TAOK2: variants seen among roughly 807,000 people sequenced by gnomAD.
TAOK2 encodes the protein TAO kinase 2, also known as serine/threonine-protein kinase TAO2.
TAOK2 carries 42 observed loss-of-function variants against 122.5 expected under a neutral mutation model. The observed-to-expected ratio is 0.34, with a 90% CI of 0.27 to 0.44. TAOK2 has a LOEUF of 0.44. Among genes scored for constraint, TAOK2 ranks in the 20% least tolerant of loss-of-function variants. TAOK2 has a pLI of 1.00. For missense variants in TAOK2, 1,264 were observed against 1,644.9 expected (o/e 0.77, Z 4.01); for synonymous variants, 704 against 677.6 (o/e 1.04, Z -0.61).
downstream of TAOK2, chr16:29,989,516 C>A (rs2069915082): frequency 6.3e-7 from 1 of 1,596,756 alleles, no homozygotes; most frequent in Non-Finnish European, 8.5e-7. Context: ...CCTGGTTGTT[C>A]CTCCTCTTCC....
Position 29,988,018 on chromosome 16 carries a change from A to G in TAOK2, c.*38A>G. On this transcript the variant is annotated 3_prime_UTR_variant, in exon 16 of 16. Transcript: ENST00000308893. ...CTTCCAGCCCAAATCTAGAGCATTGAGCACTTTATCTCCCACGACTCAGTG... is the reference window on the plus strand; with the variant it reads ...CTTCCAGCCCAAATCTAGAGCATTGGGCACTTTATCTCCCACGACTCAGTG... The G allele has an allele frequency of 6.7e-7, 1 of 1,502,076 alleles. No individual in the cohort carries two copies. 93.0% of individuals were successfully genotyped at this position (1,502,076 alleles called of 1,614,324 possible).
chr16:29,989,430 C>T (rs1425741203), downstream of TAOK2: 2 of 984,770 alleles, frequency 2.0e-6, no homozygotes, highest in African/African-American at 1.8e-5. Flanking sequence ...CTCTGTCTAA[C>T]ATGTTTTCTG....
Position 29,987,842 on chromosome 16 carries a change from GCC to G in TAOK2, c.3572_3573del (p.Pro1191HisfsTer58). The G allele has an allele frequency of 6.2e-7, 1 of 1,611,684 alleles. No homozygotes were observed. The highest frequency in any genetic ancestry group is 8.5e-7 in the Non-Finnish European group (1 of 1,179,534). On this transcript the variant is annotated frameshift_variant, in exon 16 of 16. Transcript: ENST00000308893. LOFTEE classifies it high-confidence loss of function. ...ASWGLLRGER[P>X]TRIPRLLPRS... ...GCTGGGGCCTGCTTCGGGGTGAACG[GCC>G]CACCCGAATCCCCCGGCTACTACCA...
At position 29,979,565 on chromosome 16, in the gene TAOK2, C is replaced by A; in HGVS notation, c.655+57C>A. On this transcript the variant is annotated intron_variant, in intron 8 of 15. Coordinates refer to ENST00000308893, the MANE Select transcript of TAOK2 (RefSeq NM_016151.4). The surrounding 1 kb of genome is among the most constrained non-coding windows in gnomAD (Gnocchi z 4.1). ...TTTTCCATTCTTTCCTGTTAGTTCC[C>A]AGACTCCGGACTACCCCCTTCTCCT... 7.4e-7 allele frequency: 1 copy of A among 1,354,180 alleles called. No individual in the cohort carries two copies. The highest frequency in any genetic ancestry group is 9.9e-7 in the Non-Finnish European group (1 of 1,011,986). 83.9% of individuals were successfully genotyped at this position (1,354,180 alleles called of 1,614,324 possible).
At chr16:29,988,613 C>G (rs192883381), downstream of TAOK2, 1 of 985,302 alleles carries the variant, frequency 1.0e-6, no homozygotes, top group African/African-American at 1.7e-5. Flanking sequence ...AGAACTTCAC[C>G]GAACTTCTTG....
chr16:29,975,769 C>G (rs1358588887), intron 1 of TAOK2, among the ~76,000 whole-genome samples: 1 of 152,070 alleles, frequency 6.6e-6, no homozygotes, highest in Non-Finnish European at 1.5e-5. Context: ...TTTGTGGGGA[C>G]CTTGGAGGCA....
downstream of TAOK2, chr16:29,989,891 C>T: frequency 7.1e-7 from 1 of 1,402,256 alleles, no homozygotes; most frequent in Non-Finnish European, 9.8e-7. Context: ...AGGGCATGCA[C>T]AGAGCTGGGG....
chr16:29,976,323 C>A (rs1448957935), intron 1 of TAOK2, among the ~76,000 whole-genome samples: 3 of 152,170 alleles, frequency 2.0e-5, no homozygotes, highest in Non-Finnish European at 2.9e-5. Context: ...GAGCAGAGAG[C>A]AATCACTCAG....
chr16:29,986,811 G>A lies in TAOK2; in HGVS notation c.2539G>A (p.Glu847Lys), dbSNP rs1435945558. The change falls in exon 16 of 16, where the codon GAG becomes AAG. Residue 847 changes from glutamate (E) to lysine (K), a missense_variant. By Grantham distance (56) the Glu-to-Lys change is moderately conservative. Around this residue, in one of 4 missense-constraint regions of TAOK2, gnomAD observed 824 missense variants for 908.7 expected, o/e 0.91. Transcript: ENST00000308893. The surrounding 1 kb of genome is among the most constrained non-coding windows in gnomAD (Gnocchi z 4.2). The part of the protein sequence containing the change: ...EEVWGLPEEI[E>K]ELRVPSLVPQ... ...AGTTTGGGGTCTGCCTGAGGAGATA[G>A]AGGAGCTTAGGGTGCCCTCCCTTGT... 1 of 1,614,018 alleles carries A rather than the reference G, an allele frequency of 6.2e-7. No homozygotes were observed. Among genetic ancestry groups the A allele is most frequent in the Non-Finnish European group, 8.5e-7 (1 of 1,179,934 alleles).
Position 29,986,214 on chromosome 16 carries a change from C to G in TAOK2, c.1993-51C>G, listed in dbSNP as rs1338798202. 1.3e-6 allele frequency: 2 copies of G among 1,504,390 alleles called. No individual in the cohort carries two copies. The highest frequency in any genetic ancestry group is 1.4e-5 in the African/African-American group (1 of 71,246). 93.2% of individuals were successfully genotyped at this position (1,504,390 alleles called of 1,614,324 possible). On this transcript the variant is annotated intron_variant, in intron 15 of 15. Transcript: ENST00000308893. The surrounding 1 kb of genome is among the most constrained non-coding windows in gnomAD (Gnocchi z 4.2). ...CCTCTGCCAAGGAGCCCTGGCCTCT[C>G]ACTTCCTTGATACTGACCAGGCCCC... is the stretch of plus-strand genomic sequence containing the variant.
chr16:29,989,407 C>T, downstream of TAOK2: 3 of 984,950 alleles, frequency 3.0e-6, no homozygotes, highest in Non-Finnish European at 3.6e-6. Flanking sequence ...CTGTATACAG[C>T]TCCCCCCACC....
chr16:29,992,034 G>A (rs923330428), downstream of TAOK2: 16 of 154,092 alleles, frequency 1.0e-4, no homozygotes, highest in Non-Finnish European at 2.2e-4. Flanking sequence ...TTGGGGTCAG[G>A]ATGCCTGGGT....
At position 29,979,139 on chromosome 16, in the gene TAOK2, C is replaced by T; in HGVS notation, c.450-56C>T. 6.2e-6 allele frequency: 10 copies of T among 1,611,358 alleles called. No homozygotes were observed. Among genetic ancestry groups the T allele is most frequent in the Non-Finnish European group, 8.5e-6 (10 of 1,177,496 alleles). On this transcript the variant is annotated intron_variant, in intron 6 of 15. Coordinates refer to ENST00000308893, the MANE Select transcript of TAOK2 (RefSeq NM_016151.4). This position sits in a 1 kb window ranked among gnomAD's most constrained non-coding sequence, Gnocchi z 4.1. ...CACCACCTGTCACTTAGCTGGGCTGCCCCTGCCTAGCTTTCTTGAGACACA... is the reference window on the plus strand; with the variant it reads ...CACCACCTGTCACTTAGCTGGGCTGTCCCTGCCTAGCTTTCTTGAGACACA...
In TAOK2 at chr16:29,985,027, T is replaced by C; in HGVS notation, c.1423-186T>C. On this transcript the variant is annotated intron_variant, in intron 13 of 15. Transcript: ENST00000308893. This position sits in a 1 kb window ranked among gnomAD's most constrained non-coding sequence, Gnocchi z 6.9. ...TTTATCATTCGGCCACACCAACTTGTGATGTAGATAATATCACCATTATCC... is the reference window on the plus strand; with the variant it reads ...TTTATCATTCGGCCACACCAACTTGCGATGTAGATAATATCACCATTATCC... 2.9e-6 allele frequency: 2 copies of C among 697,482 alleles called. No individual in the cohort carries two copies. Among genetic ancestry groups the C allele is most frequent in the South Asian group, 5.2e-5 (1 of 19,170 alleles). The allele number at this position is 697,482 out of a possible 1,614,324, so 43.2% of individuals were successfully genotyped here. A position where few individuals can be genotyped will look rare whatever the true frequency, so the allele number is the denominator to read the frequency against.
At position 29,987,136 on chromosome 16, in the gene TAOK2, T is replaced by C; in HGVS notation, c.2864T>C (p.Leu955Pro). The stretch of plus-strand genomic sequence containing the variant: ...CTGTCCCATGGCCTCCTGGCCGGCC[T>C]CTCCTTTGCAGTGGGGTCCTCCTCT... Reference protein sequence around the residue: ...GLLSHGLLAGLSFAVGSSSGL... With the variant: ...GLLSHGLLAGPSFAVGSSSGL... The change falls in exon 16 of 16, where the codon CTC becomes CCC. Residue 955 changes from leucine to proline, a missense_variant. Around this residue, in one of 4 missense-constraint regions of TAOK2, gnomAD observed 824 missense variants for 908.7 expected, o/e 0.91. Coordinates refer to ENST00000308893, the MANE Select transcript of TAOK2 (RefSeq NM_016151.4). 5 of 1,592,080 alleles carry C rather than the reference T, an allele frequency of 3.1e-6. No individual in the cohort carries two copies. The East Asian group carries it at 8.9e-5, about 28-fold the overall frequency.
chr16:29,977,975 C>T, intron 2 of TAOK2, 71 bp downstream of exon 2: 1 of 1,612,304 alleles, frequency 6.2e-7, no homozygotes, highest in Non-Finnish European at 8.5e-7. Context: ...CCCAACAGCC[C>T]TTGCACACTA....
chr16:29,991,333 T>G, downstream of TAOK2: 2 of 1,604,226 alleles, frequency 1.2e-6, no homozygotes, highest in Non-Finnish European at 1.7e-6. This position sits in a 1 kb window ranked among gnomAD's most constrained non-coding sequence, Gnocchi z 5.6. Flanking sequence ...CAGCCGTCTC[T>G]GCTGGCTCCC....
chr16:29,987,198 T>C lies in TAOK2; in HGVS notation c.2926T>C (p.Leu976=). 4.5e-6 allele frequency: 7 copies of C among 1,553,410 alleles called. No individual in the cohort carries two copies. The highest frequency in any genetic ancestry group is 1.7e-4 in the Middle Eastern group (1 of 5,740). ...CCTCCTGCTGCTGCTGCTGCTTCCA[T>C]TGCTGGCAGCCCAGGGTGGGGGTGG... ...LPLLLLLLLP[L]LAAQGGGGLQ... is the part of the protein sequence containing the mutation. The change falls in exon 16 of 16, where the codon TTG becomes CTG. Residue 976 remains leucine (L), a synonymous_variant. Transcript: ENST00000308893.
At position 29,985,886 on chromosome 16, in the gene TAOK2, C is replaced by T. The variant is rs765500203; in HGVS notation, c.1992+25C>T. The T allele has an allele frequency of 6.2e-6, 10 of 1,603,520 alleles. No homozygotes were observed. The African/African-American group carries it at 1.2e-4, about 19-fold the overall frequency. ...GGTAGGCATCCCAATCTCTGTTCCC[C>T]TCCCGCTCACTCGTGGATCCCAGGG... On this transcript the variant is annotated intron_variant, in intron 15 of 15. Coordinates refer to ENST00000308893, the MANE Select transcript of TAOK2 (RefSeq NM_016151.4). This position sits in a 1 kb window ranked among gnomAD's most constrained non-coding sequence, Gnocchi z 6.9.
Sources: gnomAD v4.1 joint callset for allele counts (sites outside exome capture counted in the v4.1 genomes callset) on GRCh38, gnomAD v4.1.1 for gene constraint, gnomAD v4.1.1 regional missense constraint, Gnocchi (gnomAD v3.1) non-coding constraint, MANE v1.5 for transcripts, NCBI Gene and HGNC (gene_info 2026-07-23, HGNC 2026-07-21) for gene names.